Variants in GDPD2 observed in about 807,000 individuals in gnomAD.
The protein encoded by GDPD2 is glycerophosphodiester phosphodiesterase domain containing 2.
Under a neutral mutation model 49.2 loss-of-function variants are expected in GDPD2, and 23 were observed. The observed-to-expected ratio is 0.47, with a 90% CI of 0.34 to 0.66. The LOEUF (loss-of-function observed/expected upper bound fraction) is 0.66, where lower values mean the gene tolerates loss of function less well. Ranked by LOEUF, GDPD2 falls within the 30% of genes least tolerant of loss-of-function variation. The pLI, the probability that GDPD2 is intolerant of heterozygous loss-of-function variation, is 0.01. For synonymous variants in GDPD2, 167 were observed against 171.4 expected (o/e 0.97, Z 0.20); for missense variants, 338 against 424.7 (o/e 0.80, Z 1.79).
chrX:70,432,160 A>T (rs1429660518), intron 12 of GDPD2, 147 bp from the exon 13 acceptor site: 1 of 492,208 alleles, frequency 2.0e-6, no homozygotes, highest in African/African-American at 2.4e-5. Context: ...AAGGAAAATC[A>T]TTGTTGGTCA....
rs192202076 is a variant in GDPD2 at position 70,429,371 on chromosome X, G to A, written c.937-122G>A. 6.1e-4 allele frequency: 294 copies of A among 480,669 alleles called. 2 individuals are homozygous for A. The African/African-American group carries it at 6.3e-3, about 10-fold the overall frequency. The allele number at this position is 480,669 out of a possible 1,213,427, so 39.6% of individuals were successfully genotyped here. On this transcript the variant is annotated intron_variant, in intron 10 of 15. Transcript: ENST00000374382. Reference sequence around the variant, plus strand: ...GGAAGAAGGCCACAGTTTGGAAAAAGGCCCTGGCTCAGAGGTGGAAAGAAG... The same window carrying A: ...GGAAGAAGGCCACAGTTTGGAAAAAAGCCCTGGCTCAGAGGTGGAAAGAAG...
chrX:70,427,646 TA>T, intron 10 of GDPD2, 183 bp downstream of exon 10: 1 of 403,516 alleles, frequency 2.5e-6, no homozygotes, highest in East Asian at 3.9e-5. Context: ...CCCAGAGCAA[TA>T]AAAACATTTT....
chrX:70,423,545 C>T (rs1315584199), intron 1 of GDPD2, among the ~76,000 whole-genome samples, 163 bp downstream of exon 1: 1 of 111,836 alleles, frequency 8.9e-6, no homozygotes, highest in Non-Finnish European at 1.9e-5. Flanking sequence ...CTACAGGCAG[C>T]TCCTGAAGGG....
chrX:70,429,227 A>G (rs1431801301), intron 10 of GDPD2, among the ~76,000 whole-genome samples: 2 of 111,624 alleles, frequency 1.8e-5, no homozygotes, highest in Non-Finnish European at 3.8e-5. Context: ...GGAAGAAACC[A>G]AAGGGTCAAG....
At chrX:70,426,520 C>T in intron 6 of GDPD2, 51 bp downstream of exon 6, 1 of 1,102,447 alleles carries the variant, frequency 9.1e-7, no homozygotes. Flanking sequence ...TTGCAGCCAA[C>T]CCTAGAACAT....
In GDPD2 at chrX:70,426,464, C is replaced by T; in HGVS notation, c.457C>T (p.Leu153=). The T allele has an allele frequency of 1.7e-6, 2 of 1,206,113 alleles. No homozygotes were observed. Among genetic ancestry groups the T allele is most frequent in the Non-Finnish European group, 2.2e-6 (2 of 890,178 alleles). Residue 153 remains leucine (L), a synonymous_variant, in exon 6 of 16, where the codon CTG becomes TTG. Transcript: ENST00000374382. ...GGAGTGGCATAGCTTGCGTGTGTCACTGCAGGTGAGTGGCCAACCTCCAGT... is the reference window on the plus strand; with the variant it reads ...GGAGTGGCATAGCTTGCGTGTGTCATTGCAGGTGAGTGGCCAACCTCCAGT... ...QQEWHSLRVS[L]QATAPFLHIG...
intron 14 of GDPD2, 109 bp downstream of exon 14, chrX:70,432,770 T>G: frequency 5.5e-6 from 4 of 725,386 alleles, no homozygotes; most frequent in Non-Finnish European, 6.5e-6. Flanking sequence ...TCTCTTTAGT[T>G]CCTTTGAGAT....
chrX:70,427,735 A>T, intron 10 of GDPD2: 2 of 264,558 alleles, frequency 7.6e-6, no homozygotes, highest in Non-Finnish European at 1.3e-5. Context: ...AAAGCAGGGA[A>T]CAGGAACTCC....
intron 10 of GDPD2, 102 bp from the exon 11 acceptor site, chrX:70,429,391 A>C: frequency 1.9e-6 from 1 of 538,050 alleles, no homozygotes; most frequent in Non-Finnish European, 3.0e-6. Flanking sequence ...CAGAGGTGGA[A>C]AGAAGCTGGA....
intron 12 of GDPD2, chrX:70,431,200 G>A (rs2086474078): frequency 2.5e-6 from 2 of 791,057 alleles, no homozygotes; most frequent in South Asian, 4.7e-5. Context: ...CCTTAGTCTT[G>A]TCCTGGTCAA....
intron 7 of GDPD2, 60 bp downstream of exon 7, chrX:70,426,801 C>A: frequency 8.5e-7 from 1 of 1,179,645 alleles, no homozygotes; most frequent in Non-Finnish European, 1.2e-6. Context: ...CACCTGCACT[C>A]TGCCTTCCAT....
chrX:70,426,115 C>T lies in GDPD2; in HGVS notation c.363+4C>T. 1 of 1,188,192 alleles carries T rather than the reference C, an allele frequency of 8.4e-7. No individual in the cohort carries two copies. Among genetic ancestry groups the T allele is most frequent in the Non-Finnish European group, 1.1e-6 (1 of 873,734 alleles). ...GCATCTGCACAGCCTCCACAAGGTA[C>T]AGTAGGGATGGGAGTGCATGGGAGA... On this transcript the variant is annotated splice_donor_region_variant and intron_variant, in intron 5 of 15. Transcript: ENST00000374382.
rs376364516 is a variant in GDPD2 at position 70,430,007 on chromosome X, G to A, written c.1251G>A (p.Thr417=). ...ATGGACGTCAGGGAGGCAACAGAACGGAGAGGCCCCAGTTTCTTAACCTCC... is the reference window on the plus strand; with the variant it reads ...ATGGACGTCAGGGAGGCAACAGAACAGAGAGGCCCCAGTTTCTTAACCTCC... The part of the protein sequence containing the change: ...QIYGRQGGNR[T]ERPQFLNLPY... Residue 417 remains threonine, a synonymous_variant, in exon 12 of 16, where the codon ACG becomes ACA. Transcript: ENST00000374382. 4.1e-6 allele frequency: 5 copies of A among 1,210,151 alleles called. No homozygotes were observed. The highest frequency in any genetic ancestry group is 3.5e-5 in the South Asian group (2 of 56,907).
intron 12 of GDPD2, among the ~76,000 whole-genome samples, chrX:70,431,285 C>T (rs1264893501): frequency 8.9e-6 from 1 of 112,216 alleles, no homozygotes; most frequent in African/African-American, 3.2e-5. Flanking sequence ...ATGATGGAAT[C>T]GAGGCCCTGA....
In GDPD2 at chrX:70,425,423, C is replaced by T; in HGVS notation, c.175C>T (p.Leu59Phe). 1 of 1,194,425 alleles carries T rather than the reference C, an allele frequency of 8.4e-7. No homozygotes were observed. Among genetic ancestry groups the T allele is most frequent in the Non-Finnish European group, 1.1e-6 (1 of 880,131 alleles). ...TTCCCTGAGCTGGCTGTACATCGGG[C>T]TCGTCCTTCTCAATGACCTGCACAA... is the stretch of plus-strand genomic sequence containing the variant. ...LLSLSWLYIG[L>F]VLLNDLHNFN... The change falls in exon 3 of 16, where the codon CTC becomes TTC. Residue 59 changes from leucine to phenylalanine, a missense_variant. Transcript: ENST00000374382.
chrX:70,429,618 C>T lies in GDPD2; in HGVS notation c.1062C>T (p.Phe354=), dbSNP rs764720707. The T allele has an allele frequency of 5.8e-6, 7 of 1,206,349 alleles. No homozygotes were observed. Among genetic ancestry groups the T allele is most frequent in the South Asian group, 1.8e-5 (1 of 56,767 alleles). ...CAGCCCTCAACCTTTCCATCATGTT[C>T]GACTTGCGCCGACCCCCACAGAACC... is the stretch of plus-strand genomic sequence containing the variant. ...EAAALNLSIM[F]DLRRPPQNHT... is the part of the protein sequence containing the mutation. The change falls in exon 11 of 16, where the codon TTC becomes TTT. Residue 354 remains phenylalanine, a synonymous_variant. Coordinates refer to ENST00000374382, the MANE Select transcript of GDPD2 (RefSeq NM_017711.4).
Position 70,433,031 on chromosome X carries a change from C to T in GDPD2, c.1568-3C>T. On this transcript the variant is annotated splice_polypyrimidine_tract_variant and splice_region_variant and intron_variant, in intron 15 of 15. Coordinates refer to ENST00000374382, the MANE Select transcript of GDPD2 (RefSeq NM_017711.4). ...GATGACCCACCCTCCCCCTCCTCCCCAGGCTTAGAAACAGCAGTGCTGCTG... is the reference window on the plus strand; with the variant it reads ...GATGACCCACCCTCCCCCTCCTCCCTAGGCTTAGAAACAGCAGTGCTGCTG... The T allele has an allele frequency of 8.3e-7, 1 of 1,202,584 alleles. No individual in the cohort carries two copies. The highest frequency in any genetic ancestry group is 1.1e-6 in the Non-Finnish European group (1 of 887,653).
At chrX:70,426,205 G>T in intron 5 of GDPD2, 94 bp downstream of exon 5, 3 of 869,465 alleles carry the variant, frequency 3.5e-6, no homozygotes, top group Non-Finnish European at 5.1e-6. Context: ...TACCCCCGGG[G>T]GGTCAAGCCC....
At chrX:70,427,579 G>C (rs1213105090) in intron 10 of GDPD2, 116 bp downstream of exon 10, 1 of 580,128 alleles carries the variant, frequency 1.7e-6, no homozygotes. Context: ...AACATAGTCT[G>C]TGCTCTCAAG....
Sources: gnomAD v4.1 joint callset for allele counts (sites outside exome capture counted in the v4.1 genomes callset) on GRCh38, gnomAD v4.1.1 for gene constraint, MANE v1.5 for transcripts, NCBI Gene and HGNC (gene_info 2026-07-23, HGNC 2026-07-21) for gene names.